Variants in MEIOSIN observed in about 807,000 individuals in gnomAD.
MEIOSIN encodes meiosis initiator.
MEIOSIN carries 18 observed loss-of-function variants against 23.4 expected under a neutral mutation model. The observed-to-expected ratio is 0.77, with a 90% CI of 0.53 to 1.14. MEIOSIN has a LOEUF of 1.14. Ranked by LOEUF, MEIOSIN falls within the 50% of genes most tolerant of loss-of-function variation. MEIOSIN has a pLI of 0.00. For missense variants in MEIOSIN, 428 were observed against 242.9 expected (o/e 1.76, Z -5.07); for synonymous variants, 187 against 100.6 (o/e 1.86, Z -5.14).
At chr19:45,745,017 T>C (rs981240437) in intron 3 of MEIOSIN, among the ~76,000 whole-genome samples, 175 bp from the exon 4 acceptor site, 2 of 152,034 alleles carry the variant, frequency 1.3e-5, no homozygotes, top group African/African-American at 4.8e-5. Context: ...GGTGACTGAC[T>C]GATTAAGGGC....
chr19:45,740,995 G>A (rs889382662), intron 3 of MEIOSIN, among the ~76,000 whole-genome samples: 6 of 151,960 alleles, frequency 3.9e-5, no homozygotes, highest in East Asian at 3.9e-4. Flanking sequence ...TATAACCAGC[G>A]CAGCATTATG....
At chr19:45,736,869 C>G (rs1306785895) in intron 2 of MEIOSIN, among the ~76,000 whole-genome samples, 1 of 150,290 alleles carries the variant, frequency 6.7e-6, no homozygotes, top group East Asian at 2.0e-4. Flanking sequence ...CTGCGCCCAG[C>G]CTTTTTTTTT....
chr19:45,747,933 C>T (rs980570852), intron 4 of MEIOSIN, among the ~76,000 whole-genome samples: 8 of 148,182 alleles, frequency 5.4e-5, no homozygotes, highest in African/African-American at 1.9e-4. Context: ...AAGTCCATCT[C>T]TACAAAAAAT....
intron 1 of MEIOSIN, among the ~76,000 whole-genome samples, chr19:45,734,256 C>T (rs991577997): frequency 3.3e-5 from 5 of 151,792 alleles, no homozygotes; most frequent in South Asian, 2.1e-4. Context: ...GACCCACATT[C>T]GAGATCTCAG....
intron 2 of MEIOSIN, among the ~76,000 whole-genome samples, chr19:45,736,851 G>A (rs1330741411): frequency 4.6e-5 from 7 of 151,084 alleles, no homozygotes; most frequent in South Asian, 2.1e-4. Flanking sequence ...GATTACAGGC[G>A]TGAGCCACTG....
chr19:45,752,402 G>A (rs1219670466), intron 5 of MEIOSIN, among the ~76,000 whole-genome samples: 1 of 151,896 alleles, frequency 6.6e-6, no homozygotes, highest in East Asian at 1.9e-4. Context: ...TTTTAGTAGA[G>A]ACAGGATTTT....
rs1486094735 is a variant in MEIOSIN, at chr19:45,759,415, G to A, written c.1170G>A (p.Ala390=). The part of the protein sequence containing the change: ...LEDDMEYLTQ[A]AFFEEVCLDL... ...TGCCCCTCTGGTCTCCCTCCCTAGCGGCTTTCTTTGAAGAAGTGTGCTTAG... is the reference window on the plus strand; with the variant it reads ...TGCCCCTCTGGTCTCCCTCCCTAGCAGCTTTCTTTGAAGAAGTGTGCTTAG... The change falls in exon 11 of 15, where the codon GCG becomes GCA. Residue 390 remains alanine, a splice_region_variant and synonymous_variant. Coordinates refer to ENST00000457052, the MANE Select transcript of MEIOSIN (RefSeq NM_001310124.2). 30 of 703,300 alleles carry A rather than the reference G, an allele frequency of 4.3e-5. No homozygotes were observed. The highest frequency in any genetic ancestry group is 2.4e-4 in the Admixed American group (12 of 49,982). The allele number at this position is 703,300 out of a possible 1,614,324, so 43.6% of individuals were successfully genotyped here.
chr19:45,738,181 G>A (rs1227868810), intron 2 of MEIOSIN, among the ~76,000 whole-genome samples: 4 of 152,144 alleles, frequency 2.6e-5, no homozygotes, highest in African/African-American at 9.7e-5. Flanking sequence ...CCAAAGTCTG[G>A]ATAAAGAAAA....
rs372057675 is a variant in MEIOSIN at position 45,763,422 on chromosome 19, A to G, written c.1764A>G (p.Pro588=). The G allele has an allele frequency of 1.0e-5, 4 of 398,478 alleles. No individual in the cohort carries two copies. The East Asian group carries it at 1.4e-4, about 14-fold the overall frequency. 24.7% of individuals were successfully genotyped at this position (398,478 alleles called of 1,614,324 possible). The change falls in exon 14 of 15, where the codon CCA becomes CCG. Residue 588 remains proline, a synonymous_variant. Transcript: ENST00000457052. ...WRVMTQQERR[P]YCTKARRFSR... is the part of the protein sequence containing the mutation. Reference sequence around the variant, plus strand: ...TGATGACCCAGCAGGAGCGGAGGCCATACTGGTGAGAGGCTCCGGCCCCGA... The same window carrying G: ...TGATGACCCAGCAGGAGCGGAGGCCGTACTGGTGAGAGGCTCCGGCCCCGA...
At chr19:45,759,055 G>C (rs1453033497) in intron 10 of MEIOSIN, 22 bp downstream of exon 10, 1 of 702,994 alleles carries the variant, frequency 1.4e-6, no homozygotes, top group Non-Finnish European at 2.6e-6. Context: ...GCCTGGCCCT[G>C]ATGCTTAGTT....
chr19:45,749,077 A>AG (rs1392604283), intron 4 of MEIOSIN, among the ~76,000 whole-genome samples: 2 of 151,100 alleles, frequency 1.3e-5, no homozygotes, highest in East Asian at 3.9e-4. Context: ...TCAAAAAAAA[A>AG]AAAAAGACTG....
chr19:45,751,223 G>A (rs12980922), intron 5 of MEIOSIN, among the ~76,000 whole-genome samples: 1 of 150,956 alleles, frequency 6.6e-6, no homozygotes, highest in African/African-American at 2.4e-5. Context: ...TGTGAGCCGA[G>A]ATCACGCCAC....
At chr19:45,750,335 T>C (rs1968675063) in intron 4 of MEIOSIN, among the ~76,000 whole-genome samples, 1 of 131,570 alleles carries the variant, frequency 7.6e-6, no homozygotes, top group African/African-American at 2.8e-5. Flanking sequence ...CTCAACCCTG[T>C]CTTTCTTTCT....
chr19:45,744,883 C>T (rs750197929), intron 3 of MEIOSIN, among the ~76,000 whole-genome samples: 1 of 152,118 alleles, frequency 6.6e-6, no homozygotes, highest in Non-Finnish European at 1.5e-5. Flanking sequence ...CTGACTCTAG[C>T]AGACAGTAGG....
chr19:45,740,486 C>T (rs1188570953), intron 3 of MEIOSIN, among the ~76,000 whole-genome samples: 1 of 152,208 alleles, frequency 6.6e-6, no homozygotes, highest in Non-Finnish European at 1.5e-5. Context: ...CACGGAGGCT[C>T]ACGCCTGTAA....
chr19:45,744,170 G>T (rs1968552179), intron 3 of MEIOSIN, among the ~76,000 whole-genome samples: 1 of 151,252 alleles, frequency 6.6e-6, no homozygotes, highest in African/African-American at 2.4e-5. Flanking sequence ...GGGATTATAG[G>T]CATCATGTCC....
At chr19:45,738,246 C>T (rs1199144805) in intron 2 of MEIOSIN, among the ~76,000 whole-genome samples, 1 of 152,194 alleles carries the variant, frequency 6.6e-6, no homozygotes, top group Non-Finnish European at 1.5e-5. Context: ...ACTTTCCATC[C>T]AACTATCTCT....
intron 9 of MEIOSIN, among the ~76,000 whole-genome samples, chr19:45,758,273 C>T (rs1368042481): frequency 1.3e-5 from 2 of 152,184 alleles, no homozygotes; most frequent in East Asian, 3.9e-4. Flanking sequence ...GGATTATAGG[C>T]GTGAGCCCCC....
intron 11 of MEIOSIN, among the ~76,000 whole-genome samples, chr19:45,761,269 C>G (rs368060639): frequency 2.2e-4 from 34 of 151,868 alleles, no homozygotes; most frequent in African/African-American, 7.5e-4. Context: ...GGACTACAGG[C>G]GCCCACCAAC....
Sources: allele counts gnomAD v4.1 joint callset (sites outside exome capture counted in the v4.1 genomes callset), GRCh38; gene constraint gnomAD v4.1.1; transcripts MANE v1.5; gene names NCBI Gene and HGNC (gene_info 2026-07-23, HGNC 2026-07-21).